Variants in DZIP3 observed in about 807,000 individuals in gnomAD.
DZIP3 encodes DAZ interacting zinc finger protein 3.
DZIP3 carries 118 observed loss-of-function variants against 162.0 expected under a neutral mutation model. The observed-to-expected ratio is 0.73, with a 90% CI of 0.63 to 0.85. The LOEUF (loss-of-function observed/expected upper bound fraction) is 0.85. Ranked by LOEUF, DZIP3 falls within the 40% of genes least tolerant of loss-of-function variation. The probability of loss-of-function intolerance (pLI) is 0.00; values close to 1 mark genes in which losing one functional copy is unlikely to be tolerated. For missense variants in DZIP3, 1,331 were observed against 1,407.0 expected, an observed-to-expected ratio of 0.95 and a Z score of 0.86; for synonymous variants, 438 against 458.6, an observed-to-expected ratio of 0.96 and a Z score of 0.57.
chr3:108,651,822 C>A (rs1942882673), intron 18 of DZIP3, among the ~76,000 whole-genome samples: 1 of 151,622 alleles, frequency 6.6e-6, no homozygotes, highest in South Asian at 2.1e-4. Context: ...ATTATTCTTA[C>A]CAAAAAGTTT....
At chr3:108,670,279 A>G (rs1280772108) in intron 22 of DZIP3, among the ~76,000 whole-genome samples, 3 of 151,906 alleles carry the variant, frequency 2.0e-5, no homozygotes, top group African/African-American at 7.2e-5. Context: ...AAAGAAACCC[A>G]TTAGATGTCA....
chr3:108,662,908 A>G (rs1003929735), intron 21 of DZIP3, among the ~76,000 whole-genome samples: 1 of 152,210 alleles, frequency 6.6e-6, no homozygotes, highest in African/African-American at 2.4e-5. Context: ...CAGTAATACC[A>G]TAAGACACCA....
chr3:108,598,445 A>G (rs965323494), intron 1 of DZIP3, among the ~76,000 whole-genome samples: 6 of 152,214 alleles, frequency 3.9e-5, no homozygotes, highest in Admixed American at 1.3e-4. Context: ...TTTCAATGCA[A>G]CCCAAGGTAA....
intron 19 of DZIP3, among the ~76,000 whole-genome samples, chr3:108,660,727 G>A (rs1031938311): frequency 6.6e-6 from 1 of 152,082 alleles, no homozygotes; most frequent in African/African-American, 2.4e-5. Context: ...GAAAATTTTT[G>A]CAACCTACTC....
At chr3:108,607,113 A>G (rs1315370463) in intron 2 of DZIP3, among the ~76,000 whole-genome samples, 1 of 152,182 alleles carries the variant, frequency 6.6e-6, no homozygotes, top group African/African-American at 2.4e-5. Flanking sequence ...AGGAAAAGAC[A>G]GGTTTCTTTT....
intron 5 of DZIP3, among the ~76,000 whole-genome samples, chr3:108,622,836 G>GTCTCTCTCTC (rs368466391): frequency 3.2e-5 from 2 of 62,834 alleles, no homozygotes; most frequent in African/African-American, 1.2e-4. Context: ...AACAAACAGA[G>GTCTCTCTCTC]TCTCTCTCTC....
intron 6 of DZIP3, among the ~76,000 whole-genome samples, chr3:108,625,310 T>C (rs1203389487): frequency 6.6e-6 from 1 of 152,238 alleles, no homozygotes; most frequent in Non-Finnish European, 1.5e-5. Flanking sequence ...TCACTTACTT[T>C]CTATCTGAAA....
chr3:108,598,325 A>G (rs1939813025), intron 1 of DZIP3, among the ~76,000 whole-genome samples: 1 of 152,184 alleles, frequency 6.6e-6, no homozygotes, highest in Non-Finnish European at 1.5e-5. Context: ...TTAATTTTTA[A>G]AACTTATTAC....
chr3:108,676,510 C>G (rs1483693910), intron 25 of DZIP3, among the ~76,000 whole-genome samples: 2 of 151,850 alleles, frequency 1.3e-5, no homozygotes, highest in Non-Finnish European at 2.9e-5. Flanking sequence ...ACATAATCCA[C>G]TGAATATTTA....
At chr3:108,620,150 C>T (rs1941252736) in intron 5 of DZIP3, among the ~76,000 whole-genome samples, 2 of 152,176 alleles carry the variant, frequency 1.3e-5, no homozygotes, top group African/African-American at 4.8e-5. Context: ...TGAGAAGCTA[C>T]ACAGCATATA....
At chr3:108,631,584 T>G (rs1238764939) in intron 8 of DZIP3, among the ~76,000 whole-genome samples, 1 of 26,646 alleles carries the variant, frequency 3.8e-5, no homozygotes, top group Non-Finnish European at 7.1e-5. Flanking sequence ...TATTATTCCC[T>G]TTTTTTTTTT....
intron 5 of DZIP3, among the ~76,000 whole-genome samples, chr3:108,619,113 T>C (rs1246577677): frequency 6.8e-6 from 1 of 146,704 alleles, no homozygotes; most frequent in East Asian, 2.0e-4. Flanking sequence ...TGGGTATTTA[T>C]CATTCTATGT....
At chr3:108,596,119 T>C (rs1340429589) in intron 1 of DZIP3, among the ~76,000 whole-genome samples, 4 of 152,216 alleles carry the variant, frequency 2.6e-5, no homozygotes, top group African/African-American at 9.6e-5. Flanking sequence ...GGAGTACTAA[T>C]TGATGTATGC....
chr3:108,672,740 T>C (rs1306471428), intron 23 of DZIP3, 84 bp downstream of exon 23: 1 of 1,066,724 alleles, frequency 9.4e-7, no homozygotes, highest in Non-Finnish European at 1.4e-6. Flanking sequence ...TTGTAAAAGA[T>C]TGTTTTTTGT....
intron 14 of DZIP3, 73 bp from the exon 15 acceptor site, chr3:108,646,544 C>A (rs1942628723): frequency 9.4e-7 from 1 of 1,062,028 alleles, no homozygotes; most frequent in Non-Finnish European, 1.5e-6. Context: ...AAATATTCTG[C>A]CTTAATCCTA....
Position 108,656,660 on chromosome 3 carries a change from T to C in DZIP3, c.2199+2350T>C, listed in dbSNP as rs1054907085. Among the ~76,000 whole-genome samples the C allele has an allele frequency of 1.3e-4, 19 of 150,858 alleles. No homozygotes were observed. In the South Asian group the frequency reaches 1.3e-3, roughly 10 times the overall value. On this transcript the variant is annotated intron_variant, in intron 19 of 32. Coordinates refer to ENST00000361582, the MANE Select transcript of DZIP3 (RefSeq NM_014648.4). Reference sequence around the variant, plus strand: ...CTGGACGGAGAATGACTTTGACGAGTTGAGAGAAGGCTTCAGACGATCAAA... The same window carrying C: ...CTGGACGGAGAATGACTTTGACGAGCTGAGAGAAGGCTTCAGACGATCAAA...
chr3:108,641,489 T>TG (rs1228389479), intron 12 of DZIP3, among the ~76,000 whole-genome samples: 3 of 152,154 alleles, frequency 2.0e-5, no homozygotes, highest in Admixed American at 2.0e-4. Context: ...TAACAATAGT[T>TG]TTGCAGTGAA....
chr3:108,612,305 T>G (rs1483735955), intron 4 of DZIP3, among the ~76,000 whole-genome samples: 1 of 152,164 alleles, frequency 6.6e-6, no homozygotes, highest in African/African-American at 2.4e-5. Flanking sequence ...CTATTATGAT[T>G]AAAAATTCCA....
chr3:108,636,799 A>C (rs991407808), intron 11 of DZIP3, 91 bp downstream of exon 11: 6 of 886,936 alleles, frequency 6.8e-6, no homozygotes, highest in Non-Finnish European at 1.1e-5. Context: ...GGATCATCAT[A>C]ATTAGATTCC....
Sources: allele counts gnomAD v4.1 joint callset (sites outside exome capture counted in the v4.1 genomes callset), GRCh38; gene constraint gnomAD v4.1.1; transcripts MANE v1.5; gene names NCBI Gene and HGNC (gene_info 2026-07-23, HGNC 2026-07-21).